ADGRF1: variants seen among roughly 807,000 people sequenced by gnomAD.
The protein encoded by ADGRF1 is G protein-coupled receptor 110.
ADGRF1 carries 85 observed loss-of-function variants against 87.2 expected under a neutral mutation model. That is an observed-to-expected ratio of 0.97 (90% CI 0.82 to 1.17). The LOEUF (loss-of-function observed/expected upper bound fraction) is 1.17. Ranked by LOEUF, ADGRF1 falls within the 50% of genes most tolerant of loss-of-function variation. ADGRF1 has a pLI of 0.00. For synonymous variants in ADGRF1, 430 were observed against 408.8 expected (o/e 1.05, Z -0.63); for missense variants, 1,169 against 1,077.2 (o/e 1.09, Z -1.19).
intron 7 of ADGRF1, chr6:47,020,501 TC>T: frequency 1.6e-6 from 2 of 1,285,174 alleles, no homozygotes; most frequent in African/African-American, 1.9e-5. Context: ...TGACATTCTG[TC>T]AAAAAAAAAA....
rs572633530 is a variant in ADGRF1 at position 47,036,317 on chromosome 6, C to T, written c.-44+5874G>A. Among the ~76,000 whole-genome samples, 17 of 152,290 alleles carry T rather than the reference C, an allele frequency of 1.1e-4. No individual in the cohort carries two copies. In the East Asian group the frequency reaches 2.9e-3, roughly 26 times the overall value. On this transcript the variant is annotated intron_variant, in intron 1 of 14. Transcript: ENST00000371253. ...CTCACTCACTACCTGGTGACGGGAT[C>T]ATTTGTACCCCAAACCTCAACATTA...
chr6:47,018,486 A>C (rs1779946631), intron 7 of ADGRF1: 1 of 1,289,672 alleles, frequency 7.8e-7, no homozygotes, highest in African/African-American at 1.5e-5. Flanking sequence ...ATACCTTTGT[A>C]TTGATATGTC....
chr6:47,027,605 G>T, intron 3 of ADGRF1, 99 bp downstream of exon 3: 1 of 744,448 alleles, frequency 1.3e-6, no homozygotes, highest in Non-Finnish European at 2.4e-6. Context: ...TTAATAATGT[G>T]CCTAGGATCA....
Position 47,012,003 on chromosome 6 carries a change from A to T in ADGRF1, c.1116+4T>A, listed in dbSNP as rs985459573. The T allele has an allele frequency of 6.2e-7, 1 of 1,612,260 alleles. No individual in the cohort carries two copies. The highest frequency in any genetic ancestry group is 1.3e-5 in the African/African-American group (1 of 75,044). On this transcript the variant is annotated splice_donor_region_variant and intron_variant, in intron 10 of 14. Transcript: ENST00000371253. Reference sequence around the variant, plus strand: ...TGAGCCCTTCAAGCACAGGCAGACCATACCTCCATTGTTGAATTGGACACC... The same window carrying T: ...TGAGCCCTTCAAGCACAGGCAGACCTTACCTCCATTGTTGAATTGGACACC...
At chr6:47,021,452 C>A (rs555340515) in intron 6 of ADGRF1, among the ~76,000 whole-genome samples, 1 of 152,064 alleles carries the variant, frequency 6.6e-6, no homozygotes, top group Non-Finnish European at 1.5e-5. Flanking sequence ...ACTCCACCTC[C>A]CGGGTTCAAG....
At chr6:47,014,518 C>A in intron 9 of ADGRF1, 163 bp downstream of exon 9, 1 of 1,407,676 alleles carries the variant, frequency 7.1e-7, no homozygotes, top group South Asian at 1.6e-5. Context: ...ACCACTCATG[C>A]ACGACTCCAC....
At chr6:47,015,606 G>A (rs1278554433) in intron 8 of ADGRF1, among the ~76,000 whole-genome samples, 4 of 127,388 alleles carry the variant, frequency 3.1e-5, no homozygotes, top group Admixed American at 1.6e-4. Flanking sequence ...ATTTATTTTT[G>A]TAACAGAGTC....
intron 14 of ADGRF1, among the ~76,000 whole-genome samples, chr6:47,001,014 A>C (rs1191727093): frequency 6.6e-6 from 1 of 152,228 alleles, no homozygotes; most frequent in Non-Finnish European, 1.5e-5. Context: ...TGCATGTCAC[A>C]GGTGGAGGAG....
chr6:47,000,932 T>C (rs1779346185), intron 14 of ADGRF1, among the ~76,000 whole-genome samples: 1 of 152,240 alleles, frequency 6.6e-6, no homozygotes, highest in African/African-American at 2.4e-5. Flanking sequence ...ACTTGCAATG[T>C]TTAAACACTG....
intron 12 of ADGRF1, among the ~76,000 whole-genome samples, chr6:47,006,769 T>C (rs969942642): frequency 9.9e-5 from 15 of 152,180 alleles, no homozygotes; most frequent in Non-Finnish European, 2.1e-4. Context: ...TGAGTGAAAA[T>C]ATACAATGCT....
intron 4 of ADGRF1, among the ~76,000 whole-genome samples, chr6:47,024,816 G>A (rs977307020): frequency 2.6e-5 from 4 of 152,212 alleles, no homozygotes; most frequent in African/African-American, 9.6e-5. Context: ...GTTGGTATCA[G>A]AAAGCTAACA....
chr6:47,019,130 C>G (rs1247910745), intron 7 of ADGRF1: 4 of 311,692 alleles, frequency 1.3e-5, no homozygotes, highest in African/African-American at 2.3e-5. Context: ...CTTGTGCCTA[C>G]TTTTACTGTG....
At position 47,009,672 on chromosome 6, in the gene ADGRF1, A is replaced by G; in HGVS notation, c.1763T>C (p.Ile588Thr). Residue 588 changes from isoleucine to threonine, a missense_variant, in exon 11 of 15, where the codon ATC becomes ACC. Coordinates refer to ENST00000371253, the MANE Select transcript of ADGRF1 (RefSeq NM_153840.4). ...PSTIFPVVKW[I>T]TYVGLGISIG... ...GGAGATACCCAGTCCCACATAGGTGATCCATTTTACAACGGGGAAGATTGT... is the reference window on the plus strand; with the variant it reads ...GGAGATACCCAGTCCCACATAGGTGGTCCATTTTACAACGGGGAAGATTGT... 1 of 1,614,222 alleles carries G rather than the reference A, an allele frequency of 6.2e-7. No individual in the cohort carries two copies.
chr6:47,024,495 G>A (rs767961087), intron 4 of ADGRF1, among the ~76,000 whole-genome samples: 19 of 152,114 alleles, frequency 1.2e-4, no homozygotes, highest in Non-Finnish European at 2.4e-4. Flanking sequence ...TGTATTTTCA[G>A]TAGAGACAGT....
intron 1 of ADGRF1, among the ~76,000 whole-genome samples, chr6:47,033,483 G>T (rs1780496426): frequency 6.6e-6 from 1 of 152,176 alleles, no homozygotes; most frequent in African/African-American, 2.4e-5. Context: ...CTAATCTTAG[G>T]CACAGTTGAA....
chr6:47,018,665 A>G, intron 7 of ADGRF1: 1 of 1,216,372 alleles, frequency 8.2e-7, no homozygotes, highest in South Asian at 1.3e-5. Context: ...TAATCCCAGC[A>G]CTTTGGGAGG....
At chr6:47,012,730 C>T in intron 9 of ADGRF1, 1 of 985,454 alleles carries the variant, frequency 1.0e-6, no homozygotes, top group Non-Finnish European at 1.2e-6. Flanking sequence ...GGAGATTTGA[C>T]TACTGGGCTT....
intron 8 of ADGRF1, among the ~76,000 whole-genome samples, chr6:47,015,246 A>G (rs951196075): frequency 6.6e-6 from 1 of 152,246 alleles, no homozygotes; most frequent in Non-Finnish European, 1.5e-5. Context: ...GTTATGGTTA[A>G]AAGATGGGCA....
At chr6:47,005,179 T>C (rs1288568915) in intron 13 of ADGRF1, among the ~76,000 whole-genome samples, 1 of 152,126 alleles carries the variant, frequency 6.6e-6, no homozygotes, top group East Asian at 1.9e-4. Flanking sequence ...AAACACAAAA[T>C]ATGTGTTCAA....
Sources: gnomAD v4.1 joint callset for allele counts (sites outside exome capture counted in the v4.1 genomes callset) on GRCh38, gnomAD v4.1.1 for gene constraint, MANE v1.5 for transcripts, NCBI Gene and HGNC (gene_info 2026-07-23, HGNC 2026-07-21) for gene names.